Variants in POMT1 observed in about 807,000 individuals in gnomAD.
POMT1 encodes protein O-mannosyl-transferase 1.
Under a neutral mutation model 101.6 loss-of-function variants are expected in POMT1, and 85 were observed. The observed-to-expected ratio is 0.84, with a 90% CI of 0.70 to 1.00. The LOEUF is 1.00. POMT1 is among the 50% of genes least tolerant of loss of function. The pLI is 0.00. For missense variants in POMT1, 857 were observed against 930.4 expected, an observed-to-expected ratio of 0.92 and a Z score of 1.03; for synonymous variants, 371 against 383.0, an observed-to-expected ratio of 0.97 and a Z score of 0.37.
rs1318650250 is a variant in POMT1 at position 131,503,638 on chromosome 9, G to A, written c.-30-551G>A. Among the ~76,000 whole-genome samples, 3 of 152,212 alleles carry A rather than the reference G, an allele frequency of 2.0e-5. No individual in the cohort carries two copies. Among genetic ancestry groups the A allele is most frequent in the African/African-American group, 7.2e-5 (3 of 41,460 alleles). On this transcript the variant is annotated intron_variant, in intron 1 of 19. Transcript: ENST00000402686. This position sits in a 1 kb window ranked among gnomAD's most constrained non-coding sequence, Gnocchi z 4.4. ...GGGAAGATGAAGCCTGGAGGAGAACGTGGGGGCGCAGGGTGCAAATGCACC... is the reference window on the plus strand; with the variant it reads ...GGGAAGATGAAGCCTGGAGGAGAACATGGGGGCGCAGGGTGCAAATGCACC...
intron 17 of POMT1, chr9:131,521,008 A>T (rs904706833): frequency 1.1e-4 from 38 of 355,116 alleles, no homozygotes; most frequent in Non-Finnish European, 1.7e-4. Context: ...TGCCCAGCTA[A>T]TTTTTGTACT....
In POMT1 at chr9:131,506,470, ATTTCCC is replaced by A. The variant is rs1945834944; in HGVS notation, c.280+21_280+26del. 6.2e-7 allele frequency: 1 copy of A among 1,602,058 alleles called. No homozygotes were observed. Among genetic ancestry groups the A allele is most frequent in the African/African-American group, 1.3e-5 (1 of 74,596 alleles). On this transcript the variant is annotated intron_variant, in intron 4 of 19. Transcript: ENST00000402686. ...TTGGAGCAGGTAAAAGATAATTTTC[ATTTCCC>A]TTTTAATGTGCGCAGGTTAGAATGA...
At chr9:131,506,280 AT>A in intron 3 of POMT1, 60 bp downstream of exon 3, 2 of 1,583,222 alleles carry the variant, frequency 1.3e-6, no homozygotes, top group Non-Finnish European at 1.7e-6. Context: ...TTTAAAACTT[AT>A]CAGTGCATTT....
chr9:131,510,142 GTGCCTC>G, intron 8 of POMT1, 112 bp from the exon 9 acceptor site: 3 of 1,609,890 alleles, frequency 1.9e-6, no homozygotes, highest in Non-Finnish European at 2.5e-6. Flanking sequence ...GCCTCTGCAG[GTGCCTC>G]TGTATGGGAG....
intron 13 of POMT1, among the ~76,000 whole-genome samples, chr9:131,517,727 T>C (rs2131834349): frequency 6.6e-6 from 1 of 152,336 alleles, no homozygotes; most frequent in South Asian, 2.1e-4. Flanking sequence ...CGGGCACCCT[T>C]CTCTGTCCTT....
intron 12 of POMT1, 43 bp downstream of exon 12, chr9:131,513,374 C>T (rs1947559479): frequency 6.5e-7 from 1 of 1,549,758 alleles, no homozygotes; most frequent in Non-Finnish European, 8.8e-7. Flanking sequence ...TGTGGGTTTC[C>T]TCTGTGGTTC....
rs1049729805 is a variant in POMT1, at chr9:131,504,755, ATGTGTGTGTG to A, written c.122+443_122+452del. Reference sequence around the variant, plus strand: ...TCTTTATTAACTGATTAATGTGTGTATGTGTGTGTGTGTGTGTGTGTGTGTGTGTGTGTGT... The same window carrying A: ...TCTTTATTAACTGATTAATGTGTGTATGTGTGTGTGTGTGTGTGTGTGTGT... On this transcript the variant is annotated intron_variant, in intron 2 of 19. Coordinates refer to ENST00000402686, the MANE Select transcript of POMT1 (RefSeq NM_001077365.2). Among the ~76,000 whole-genome samples, 23 of 148,910 alleles carry A rather than the reference ATGTGTGTGTG, an allele frequency of 1.5e-4. 1 individual carries two copies. The highest frequency in any genetic ancestry group is 1.0e-3 in the Admixed American group (15 of 15,046).
chr9:131,520,570 C>T (rs1315254105), intron 17 of POMT1, among the ~76,000 whole-genome samples: 7 of 152,208 alleles, frequency 4.6e-5, no homozygotes, highest in African/African-American at 1.7e-4. Flanking sequence ...ATTGGTAGGC[C>T]GGGCGCACAG....
chr9:131,511,640 G>T (rs1054832388), intron 10 of POMT1, 173 bp downstream of exon 10: 1 of 888,580 alleles, frequency 1.1e-6, no homozygotes, highest in African/African-American at 1.6e-5. Context: ...GTTGCTGGAG[G>T]GACTTGGCGT....
rs1268616766 is a variant in POMT1, at chr9:131,523,180, G to A, written c.*74G>A. On this transcript the variant is annotated 3_prime_UTR_variant, in exon 20 of 20. Coordinates refer to ENST00000402686, the MANE Select transcript of POMT1 (RefSeq NM_001077365.2). ...AAGGGTCTTGGTCAATGTACGTAATGAGCAGGGTGGGCCCCACGCTGGGAG... is the reference window on the plus strand; with the variant it reads ...AAGGGTCTTGGTCAATGTACGTAATAAGCAGGGTGGGCCCCACGCTGGGAG... 2 of 1,546,436 alleles carry A rather than the reference G, an allele frequency of 1.3e-6. No homozygotes were observed. Among genetic ancestry groups the A allele is most frequent in the Non-Finnish European group, 1.8e-6 (2 of 1,141,888 alleles).
At chr9:131,515,643 A>T (rs926729892) in intron 13 of POMT1, 121 bp downstream of exon 13, 1 of 885,286 alleles carries the variant, frequency 1.1e-6, no homozygotes, top group African/African-American at 1.7e-5. Flanking sequence ...ACACTTCATC[A>T]CACGGAGCAC....
In POMT1 at chr9:131,513,320, C is replaced by T; in HGVS notation, c.1164C>T (p.Arg388=). 1 of 1,612,066 alleles carries T rather than the reference C, an allele frequency of 6.2e-7. No individual in the cohort carries two copies. The part of the protein sequence containing the change: ...MVQLVHGMTT[R]SLNTHDVAAP... ...AGCTGGTCCACGGCATGACCACCCG[C>T]TCCCTGAACACGTGAGTGTGCCCGC... Residue 388 remains arginine, a synonymous_variant, in exon 12 of 20, where the codon CGC becomes CGT. Coordinates refer to ENST00000402686, the MANE Select transcript of POMT1 (RefSeq NM_001077365.2).
At chr9:131,520,586 G>A (rs1272331924) in intron 17 of POMT1, among the ~76,000 whole-genome samples, 2 of 152,174 alleles carry the variant, frequency 1.3e-5, no homozygotes, top group Admixed American at 6.5e-5. Context: ...CACAGTCAGC[G>A]CCCCATAAAT....
Position 131,510,572 on chromosome 9 carries a change from C to A in POMT1, c.855+157C>A, listed in dbSNP as rs1265145264. On this transcript the variant is annotated intron_variant, in intron 9 of 19. Transcript: ENST00000402686. ...TTTTGGTGGGGGGGATGGAGTCTTACTCTGTCACCCAAACTCCGCCTCCTG... is the reference window on the plus strand; with the variant it reads ...TTTTGGTGGGGGGGATGGAGTCTTAATCTGTCACCCAAACTCCGCCTCCTG... 3.9e-6 allele frequency: 4 copies of A among 1,038,508 alleles called. No homozygotes were observed. The African/African-American group carries it at 6.3e-5, about 16-fold the overall frequency. 64.3% of individuals were successfully genotyped at this position (1,038,508 alleles called of 1,614,324 possible). A position where few individuals can be genotyped will look rare whatever the true frequency, so the allele number is the denominator to read the frequency against.
chr9:131,514,922 A>T (rs1043374697), intron 12 of POMT1, among the ~76,000 whole-genome samples: 12 of 152,116 alleles, frequency 7.9e-5, no homozygotes, highest in African/African-American at 2.9e-4. Flanking sequence ...CGCCATTTGC[A>T]CTCCAGCCTG....
chr9:131,504,165 C>CA lies in POMT1; in HGVS notation c.-30-23dup, dbSNP rs1945204280. The CA allele has an allele frequency of 4.2e-5, 67 of 1,613,444 alleles. 1 individual carries two copies. The highest frequency in any genetic ancestry group is 5.7e-5 in the Non-Finnish European group (67 of 1,179,714). ...TAGCCTCTCGTGAGCCCTCATGGAC[C>CA]ACGGCTCCTCCCTTCTTTTCTAGGG... On this transcript the variant is annotated intron_variant, in intron 1 of 19. Coordinates refer to ENST00000402686, the MANE Select transcript of POMT1 (RefSeq NM_001077365.2).
intron 3 of POMT1, 90 bp downstream of exon 3, chr9:131,506,310 G>T: frequency 6.4e-7 from 1 of 1,561,964 alleles, no homozygotes. Flanking sequence ...CAGAAACCAG[G>T]TCTTATTATT....
Position 131,519,548 on chromosome 9 carries a change from C to A in POMT1, c.1584+62C>A, listed in dbSNP as rs1209025723. The A allele has an allele frequency of 3.4e-6, 5 of 1,489,022 alleles. No individual in the cohort carries two copies. The highest frequency in any genetic ancestry group is 3.6e-6 in the Non-Finnish European group (4 of 1,099,960). The allele number at this position is 1,489,022 out of a possible 1,614,324, so 92.2% of individuals were successfully genotyped here. A position where few individuals can be genotyped will look rare whatever the true frequency, so the allele number is the denominator to read the frequency against. ...GAGCATTGACTCCTCAGCAGGGAGG[C>A]CTGGGGGCTGCACAGGACTCAAACC... On this transcript the variant is annotated intron_variant, in intron 16 of 19. Coordinates refer to ENST00000402686, the MANE Select transcript of POMT1 (RefSeq NM_001077365.2). This position sits in a 1 kb window ranked among gnomAD's most constrained non-coding sequence, Gnocchi z 4.3.
In POMT1 at chr9:131,522,401, A is replaced by G. The variant is rs1950127871; in HGVS notation, c.2003+177A>G. On this transcript the variant is annotated intron_variant, in intron 19 of 19. Coordinates refer to ENST00000402686, the MANE Select transcript of POMT1 (RefSeq NM_001077365.2). The surrounding 1 kb of genome is among the most constrained non-coding windows in gnomAD (Gnocchi z 5.5). Reference sequence around the variant, plus strand: ...AAGAGATGCCCAGATGAGGCACTGCAGGAACCCAGAGGGAGAAGTCGCGGC... The same window carrying G: ...AAGAGATGCCCAGATGAGGCACTGCGGGAACCCAGAGGGAGAAGTCGCGGC... 1 of 1,282,098 alleles carries G rather than the reference A, an allele frequency of 7.8e-7. No individual in the cohort carries two copies. Among genetic ancestry groups the G allele is most frequent in the Non-Finnish European group, 1.1e-6 (1 of 948,742 alleles). The allele number at this position is 1,282,098 out of a possible 1,614,324, so 79.4% of individuals were successfully genotyped here. A position where few individuals can be genotyped will look rare whatever the true frequency, so the allele number is the denominator to read the frequency against.
Sources: gnomAD v4.1 joint callset for allele counts (sites outside exome capture counted in the v4.1 genomes callset) on GRCh38, gnomAD v4.1.1 for gene constraint, Gnocchi (gnomAD v3.1) non-coding constraint, MANE v1.5 for transcripts, NCBI Gene and HGNC (gene_info 2026-07-23, HGNC 2026-07-21) for gene names.